Variants in FRMPD2 observed in about 807,000 individuals in gnomAD.
FRMPD2 encodes FERM and PDZ domain containing 2.
FRMPD2 carries 96 observed loss-of-function variants against 140.1 expected under a neutral mutation model. The ratio of observed to expected loss-of-function variants is 0.69; its 90% CI spans 0.58 to 0.81. The LOEUF (loss-of-function observed/expected upper bound fraction) is 0.81. FRMPD2 is among the 40% of genes least tolerant of loss of function. The pLI is 0.00. For synonymous variants in FRMPD2, 449 were observed against 547.6 expected, an observed-to-expected ratio of 0.82 and a Z score of 2.52; for missense variants, 1,240 against 1,447.4, an observed-to-expected ratio of 0.86 and a Z score of 2.32.
chr10:48,158,200 G>A (rs1401332684), intron 28 of FRMPD2, among the ~76,000 whole-genome samples: 5 of 150,524 alleles, frequency 3.3e-5, no homozygotes, highest in African/African-American at 1.2e-4. Context: ...CAAAGAAAAA[G>A]CGATTTGCTC....
At chr10:48,255,591 T>G (rs975811875) in intron 1 of FRMPD2, among the ~76,000 whole-genome samples, 6 of 152,184 alleles carry the variant, frequency 3.9e-5, no homozygotes, top group African/African-American at 1.4e-4. Context: ...GTCATGGGGA[T>G]GGGCAGAGGG....
chr10:48,176,730 CT>C (rs1290978490), intron 22 of FRMPD2, among the ~76,000 whole-genome samples: 3 of 152,042 alleles, frequency 2.0e-5, no homozygotes, highest in Non-Finnish European at 4.4e-5. Flanking sequence ...TGTTTGGTGT[CT>C]GATAAGGCTG....
intron 11 of FRMPD2, among the ~76,000 whole-genome samples, chr10:48,222,794 C>T (rs950014753): frequency 2.0e-5 from 3 of 152,164 alleles, no homozygotes; most frequent in Non-Finnish European, 4.4e-5. Flanking sequence ...ATGTCTCTGT[C>T]CTCCAACCCT....
rs749611500 is a variant in FRMPD2, at chr10:48,222,476, G to C, written c.1317-25C>G. Reference sequence around the variant, plus strand: ...CCTGGAAAAGAAGTAGCAATAAAAAGGGCTGGGTTGCTAAGGGAAAGGGAG... The same window carrying C: ...CCTGGAAAAGAAGTAGCAATAAAAACGGCTGGGTTGCTAAGGGAAAGGGAG... On this transcript the variant is annotated intron_variant, in intron 11 of 28. Coordinates refer to ENST00000374201, the MANE Select transcript of FRMPD2 (RefSeq NM_001018071.4). 18 of 1,611,996 alleles carry C rather than the reference G, an allele frequency of 1.1e-5. No homozygotes were observed. In the African/African-American group the frequency reaches 2.3e-4, roughly 20 times the overall value.
rs1259077468 is a variant in FRMPD2 at position 48,184,817 on chromosome 10, A to G, written c.2424T>C (p.Ile808=). The stretch of plus-strand genomic sequence containing the variant: ...CTTTTTCTGCTGGTCCTCCAGGTAT[A>G]ATAGAAGATATAAAAATGCCAGGGT... The part of the protein sequence containing the change: ...QADPGIFISS[I]IPGGPAEKAK... Residue 808 remains isoleucine (I), a synonymous_variant, in exon 19 of 29, where the codon ATT becomes ATC. Coordinates refer to ENST00000374201, the MANE Select transcript of FRMPD2 (RefSeq NM_001018071.4). 3 of 1,613,838 alleles carry G rather than the reference A, an allele frequency of 1.9e-6. No homozygotes were observed. In the African/African-American group the frequency reaches 4.0e-5, roughly 22 times the overall value.
intron 13 of FRMPD2, among the ~76,000 whole-genome samples, chr10:48,210,905 C>G (rs931303833): frequency 6.6e-6 from 1 of 152,264 alleles, no homozygotes; most frequent in Non-Finnish European, 1.5e-5. Flanking sequence ...CTCCTAACTT[C>G]CTTTTAAAAC....
At chr10:48,204,278 A>T (rs1839153399) in intron 14 of FRMPD2, among the ~76,000 whole-genome samples, 1 of 152,230 alleles carries the variant, frequency 6.6e-6, no homozygotes, top group Non-Finnish European at 1.5e-5. Context: ...TGTATACCGC[A>T]TTATCAACAC....
chr10:48,255,160 T>C (rs1042769790), intron 1 of FRMPD2, among the ~76,000 whole-genome samples: 3 of 152,248 alleles, frequency 2.0e-5, no homozygotes, highest in Middle Eastern at 3.4e-3. Flanking sequence ...TGACCCTCTA[T>C]ACTGACTCCA....
intron 1 of FRMPD2, among the ~76,000 whole-genome samples, chr10:48,273,440 A>G (rs907962652): frequency 1.3e-5 from 2 of 152,096 alleles, no homozygotes; most frequent in African/African-American, 4.8e-5. Flanking sequence ...ACTTTACTAA[A>G]GTTAGGCCAA....
chr10:48,185,737 C>A (rs1038746956), intron 17 of FRMPD2, 92 bp from the exon 18 acceptor site: 8 of 875,452 alleles, frequency 9.1e-6, no homozygotes, highest in Non-Finnish European at 1.2e-5. Context: ...CACACACATG[C>A]GCGCACACAC....
chr10:48,182,667 G>C (rs1160247688), intron 20 of FRMPD2, among the ~76,000 whole-genome samples: 1 of 151,684 alleles, frequency 6.6e-6, no homozygotes, highest in Non-Finnish European at 1.5e-5. Flanking sequence ...ACAGTGAAAG[G>C]ACATTTTATT....
At chr10:48,223,371 C>A in intron 10 of FRMPD2, 101 bp from the exon 11 acceptor site, 2 of 1,207,086 alleles carry the variant, frequency 1.7e-6, no homozygotes, top group East Asian at 4.8e-5. Flanking sequence ...CACACACGAG[C>A]TGGGTGAGTG....
chr10:48,263,272 A>G (rs528240408), intron 1 of FRMPD2, among the ~76,000 whole-genome samples: 1 of 152,224 alleles, frequency 6.6e-6, no homozygotes, highest in East Asian at 1.9e-4. Flanking sequence ...AGAAAAAATA[A>G]CAGCATGAAC....
intron 1 of FRMPD2, among the ~76,000 whole-genome samples, chr10:48,257,393 C>T (rs440894): frequency 0.039 from 5,933 of 151,964 alleles, 393 homozygotes; most frequent in African/African-American, 0.14. Context: ...AATTATCCTG[C>T]CTCAACCTCC....
Position 48,192,576 on chromosome 10 carries a change from G to C in FRMPD2, c.2165+108C>G, listed in dbSNP as rs552882650. 372 of 1,027,032 alleles carry C rather than the reference G, an allele frequency of 3.6e-4. 2 individuals are homozygous for C. In the African/African-American group the frequency reaches 5.6e-3, roughly 15 times the overall value. 63.6% of individuals were successfully genotyped at this position (1,027,032 alleles called of 1,614,324 possible). ...CACTCCTCCAGCCTGGGCAACAAGA[G>C]CAAAACTCAGTCTCAAAAAAAAAAT... On this transcript the variant is annotated intron_variant, in intron 16 of 28. Transcript: ENST00000374201.
intron 17 of FRMPD2, among the ~76,000 whole-genome samples, chr10:48,186,989 C>G (rs956744121): frequency 1.3e-5 from 2 of 152,136 alleles, no homozygotes; most frequent in African/African-American, 4.8e-5. Flanking sequence ...TTCGCCAGAG[C>G]TGACACATTT....
chr10:48,225,786 G>T (rs1393294497), intron 10 of FRMPD2, among the ~76,000 whole-genome samples: 1 of 152,178 alleles, frequency 6.6e-6, no homozygotes, highest in East Asian at 1.9e-4. Context: ...GTGCCCACTG[G>T]AGCCCATTGT....
intron 1 of FRMPD2, among the ~76,000 whole-genome samples, chr10:48,260,894 G>A (rs1840577726): frequency 7.8e-3 from 1 of 128 alleles, no homozygotes; most frequent in Non-Finnish European, 0.015. Flanking sequence ...AAATGGAAAA[G>A]GTGGGGCAAG....
chr10:48,226,534 C>T (rs1839725103), intron 10 of FRMPD2, among the ~76,000 whole-genome samples: 1 of 152,178 alleles, frequency 6.6e-6, no homozygotes. Flanking sequence ...TTTAAGCGCA[C>T]TTTTAAGAGC....
Sources: gnomAD v4.1 joint callset for allele counts (sites outside exome capture counted in the v4.1 genomes callset) on GRCh38, gnomAD v4.1.1 for gene constraint, MANE v1.5 for transcripts, NCBI Gene and HGNC (gene_info 2026-07-23, HGNC 2026-07-21) for gene names.